UNC5D: variants seen among roughly 807,000 people sequenced by gnomAD.
UNC5D encodes the protein unc-5 netrin receptor D, also known as netrin receptor UNC5D.
UNC5D carries 39 observed loss-of-function variants against 105.4 expected under a neutral mutation model. The ratio of observed to expected loss-of-function variants is 0.37; its 90% CI spans 0.29 to 0.48. UNC5D has a LOEUF of 0.48. Ranked by LOEUF, UNC5D falls within the 20% of genes least tolerant of loss-of-function variation. UNC5D has a pLI of 0.98. For missense variants in UNC5D, 991 were observed against 1,202.4 expected (o/e 0.82, Z 2.60); for synonymous variants, 452 against 450.4 (o/e 1.00, Z -0.04).
At chr8:35,607,179 TTTGGGAGAGCTGTGGAAC>T (rs1820347866) in intron 4 of UNC5D, among the ~76,000 whole-genome samples, 1 of 152,140 alleles carries the variant, frequency 6.6e-6, no homozygotes, top group Non-Finnish European at 1.5e-5. Flanking sequence ...GAAAAAAATA[TTTGGGAGAGCTGTGGAAC>T]GAGGGAACAA....
intron 1 of UNC5D, among the ~76,000 whole-genome samples, chr8:35,362,036 A>G (rs1429674888): frequency 6.6e-6 from 1 of 152,180 alleles, no homozygotes; most frequent in Admixed American, 6.5e-5. Flanking sequence ...ATTCAGTAAT[A>G]TCTTTGATTT....
At chr8:35,710,192 G>A (rs1216010701) in intron 8 of UNC5D, among the ~76,000 whole-genome samples, 1 of 152,186 alleles carries the variant, frequency 6.6e-6, no homozygotes, top group Non-Finnish European at 1.5e-5. Context: ...CTAGCTCTAA[G>A]ATGATTGTGG....
In UNC5D at chr8:35,299,985, A is replaced by G. The variant is rs550698006; in HGVS notation, c.103+64098A>G. ...TAAAAAGGATATATGAAAAATAAGC[A>G]TGCACCTGCTAATTTGTACAAGAGA... is the stretch of plus-strand genomic sequence containing the variant. On this transcript the variant is annotated intron_variant, in intron 1 of 16. Coordinates refer to ENST00000404895, the MANE Select transcript of UNC5D (RefSeq NM_080872.4). 3.5e-4 allele frequency among the ~76,000 whole-genome samples: 53 copies of G among 152,346 alleles called. 1 individual carries two copies. The highest frequency in any genetic ancestry group is 1.4e-3 in the Admixed American group (21 of 15,290).
intron 1 of UNC5D, among the ~76,000 whole-genome samples, chr8:35,387,916 T>G (rs1803509550): frequency 6.6e-6 from 1 of 152,198 alleles, no homozygotes; most frequent in African/African-American, 2.4e-5. Flanking sequence ...CTGCTTCTTT[T>G]CTGAAAGGGA....
chr8:35,450,421 A>G (rs1368026448), intron 1 of UNC5D, among the ~76,000 whole-genome samples: 1 of 152,174 alleles, frequency 6.6e-6, no homozygotes, highest in South Asian at 2.1e-4. Context: ...TTATCTATTC[A>G]TAATATTGAT....
Position 35,705,916 on chromosome 8 carries a change from TTC to T in UNC5D, c.1085-11_1085-10del. On this transcript the variant is annotated splice_polypyrimidine_tract_variant and intron_variant, in intron 7 of 16. Transcript: ENST00000404895. ...TAAATGCAACTTTCTTTTTCTTTCTTTCTTTCTTTTAGATAAAAAACCTCTTC... is the reference window on the plus strand; with the variant it reads ...TAAATGCAACTTTCTTTTTCTTTCTTTTTCTTTTAGATAAAAAACCTCTTC... 1 of 1,324,360 alleles carries T rather than the reference TTC, an allele frequency of 7.6e-7. No homozygotes were observed. Among genetic ancestry groups the T allele is most frequent in the South Asian group, 1.2e-5 (1 of 80,820 alleles). The allele number at this position is 1,324,360 out of a possible 1,614,324, so 82.0% of individuals were successfully genotyped here. A position where few individuals can be genotyped will look rare whatever the true frequency, so the allele number is the denominator to read the frequency against.
intron 1 of UNC5D, among the ~76,000 whole-genome samples, chr8:35,452,877 T>G (rs981406649): frequency 6.6e-5 from 10 of 152,188 alleles, no homozygotes; most frequent in African/African-American, 2.2e-4. Context: ...GAGGCATTAG[T>G]ATTCTGATCC....
rs535635025 is a variant in UNC5D, at chr8:35,427,234, C to T, written c.104-122058C>T. ...TGCTGACATGCTTGGTATTCAAGGC[C>T]GGCTTTCACTTCTGCTGACATAATT... On this transcript the variant is annotated intron_variant, in intron 1 of 16. Coordinates refer to ENST00000404895, the MANE Select transcript of UNC5D (RefSeq NM_080872.4). 7.9e-5 allele frequency among the ~76,000 whole-genome samples: 12 copies of T among 152,204 alleles called. 1 individual carries two copies. Among genetic ancestry groups the T allele is most frequent in the African/African-American group, 2.6e-4 (11 of 41,534 alleles).
chr8:35,380,337 C>T (rs1241406216), intron 1 of UNC5D, among the ~76,000 whole-genome samples: 6 of 151,542 alleles, frequency 4.0e-5, no homozygotes, highest in Non-Finnish European at 5.9e-5. Context: ...TCCCAAATAC[C>T]TTGTCTGCTA....
At chr8:35,374,056 A>G (rs1028706025) in intron 1 of UNC5D, among the ~76,000 whole-genome samples, 1 of 152,204 alleles carries the variant, frequency 6.6e-6, no homozygotes, top group Non-Finnish European at 1.5e-5. Flanking sequence ...CTTTGCAGAG[A>G]GATCCTGTGG....
intron 1 of UNC5D, among the ~76,000 whole-genome samples, chr8:35,363,991 T>C (rs557798167): frequency 3.5e-4 from 53 of 152,148 alleles, no homozygotes; most frequent in Admixed American, 8.5e-4. Flanking sequence ...GAGACCAGCC[T>C]GGCCAACATG....
At chr8:35,582,429 G>A (rs1262159004) in intron 3 of UNC5D, among the ~76,000 whole-genome samples, 2 of 152,096 alleles carry the variant, frequency 1.3e-5, no homozygotes, top group Non-Finnish European at 1.5e-5. Context: ...AACTTTGAGC[G>A]AAAGTGGTTC....
At chr8:35,341,464 GT>G (rs1368436642) in intron 1 of UNC5D, among the ~76,000 whole-genome samples, 4 of 141,996 alleles carry the variant, frequency 2.8e-5, no homozygotes, top group African/African-American at 1.0e-4. Context: ...GTTTTTTTTT[GT>G]TTTTTGTTTT....
chr8:35,422,290 G>GC (rs1805964467), intron 1 of UNC5D, among the ~76,000 whole-genome samples: 1 of 152,206 alleles, frequency 6.6e-6, no homozygotes, highest in African/African-American at 2.4e-5. Context: ...AACGTGTCAT[G>GC]CTTAGAAAGA....
intron 1 of UNC5D, among the ~76,000 whole-genome samples, chr8:35,472,857 A>T (rs1809833418): frequency 6.6e-6 from 1 of 152,154 alleles, no homozygotes; most frequent in African/African-American, 2.4e-5. Flanking sequence ...GTGGGAAAGA[A>T]TGATAGATGG....
chr8:35,485,830 A>G (rs1246076055), intron 1 of UNC5D, among the ~76,000 whole-genome samples: 1 of 152,030 alleles, frequency 6.6e-6, no homozygotes, highest in Non-Finnish European at 1.5e-5. Context: ...TAACATATGT[A>G]AAACCATGGT....
At chr8:35,571,507 T>C (rs1357634294) in intron 3 of UNC5D, among the ~76,000 whole-genome samples, 1 of 152,132 alleles carries the variant, frequency 6.6e-6, no homozygotes, top group Non-Finnish European at 1.5e-5. Flanking sequence ...AAAATGCAAA[T>C]TGAAATTTAA....
At chr8:35,493,359 C>A (rs1434558875) in intron 1 of UNC5D, among the ~76,000 whole-genome samples, 3 of 148,350 alleles carry the variant, frequency 2.0e-5, no homozygotes, top group African/African-American at 7.4e-5. Flanking sequence ...AGTCAAGCAT[C>A]TGTTCCTAGT....
intron 1 of UNC5D, among the ~76,000 whole-genome samples, chr8:35,467,509 G>C (rs374980882): frequency 1.3e-3 from 178 of 142,156 alleles, no homozygotes; most frequent in African/African-American, 4.6e-3. Flanking sequence ...CAGCATTAAT[G>C]TTCAAACTAA....
Sources: allele counts gnomAD v4.1 joint callset (sites outside exome capture counted in the v4.1 genomes callset), GRCh38; gene constraint gnomAD v4.1.1; transcripts MANE v1.5; gene names NCBI Gene and HGNC (gene_info 2026-07-23, HGNC 2026-07-21).